SPAG5: variants seen among roughly 807,000 people sequenced by gnomAD.
SPAG5 encodes sperm associated antigen 5.
In SPAG5, 99 loss-of-function variants were observed where a neutral mutation model predicts 145.4. The ratio of observed to expected loss-of-function variants is 0.68; its 90% CI spans 0.58 to 0.80. The LOEUF (loss-of-function observed/expected upper bound fraction) is 0.80, where lower values mean the gene tolerates loss of function less well. SPAG5 is among the 30% of genes least tolerant of loss of function. The pLI, the probability that SPAG5 is intolerant of heterozygous loss-of-function variation, is 0.00. For synonymous variants in SPAG5, 477 were observed against 525.4 expected (o/e 0.91, Z 1.26); for missense variants, 1,192 against 1,416.0 (o/e 0.84, Z 2.54).
At chr17:28,584,620 A>C in intron 11 of SPAG5, 32 bp downstream of exon 11, 1 of 1,600,222 alleles carries the variant, frequency 6.2e-7, no homozygotes, top group Non-Finnish European at 8.6e-7. Context: ...AAATGCTTAC[A>C]TGCATGCATA....
Position 28,577,653 on chromosome 17 carries a change from G to T in SPAG5, c.*46C>A, listed in dbSNP as rs758229342. 6.8e-6 allele frequency: 9 copies of T among 1,315,688 alleles called. No homozygotes were observed. The highest frequency in any genetic ancestry group is 9.9e-6 in the Non-Finnish European group (9 of 907,744). 81.5% of individuals were successfully genotyped at this position (1,315,688 alleles called of 1,614,324 possible). ...TTGGTCTTGGTATTGGGGTAAGGGG[G>T]TATTGCAGGTAAAAAGAGGTGAAGC... On this transcript the variant is annotated 3_prime_UTR_variant, in exon 24 of 24. Coordinates refer to ENST00000321765, the MANE Select transcript of SPAG5 (RefSeq NM_006461.4).
intron 4 of SPAG5, 114 bp from the exon 5 acceptor site, chr17:28,586,613 C>T (rs2070587151): frequency 2.6e-6 from 2 of 770,744 alleles, no homozygotes; most frequent in East Asian, 2.7e-5. Flanking sequence ...CTCACTGCAA[C>T]CTCCACCTCC....
chr17:28,590,155 A>C (rs2151522088), intron 4 of SPAG5, among the ~76,000 whole-genome samples: 1 of 152,316 alleles, frequency 6.6e-6, no homozygotes, highest in East Asian at 1.9e-4. Flanking sequence ...AAATCGATGG[A>C]GATTCCTTCC....
intron 22 of SPAG5, 38 bp from the exon 23 acceptor site, chr17:28,578,128 A>G (rs2070519328): frequency 1.2e-6 from 2 of 1,611,282 alleles, no homozygotes; most frequent in African/African-American, 2.7e-5. Context: ...CTATGCATAA[A>G]AGAGCAAACT....
At chr17:28,586,889 C>G (rs983329033) in intron 4 of SPAG5, among the ~76,000 whole-genome samples, 1 of 152,120 alleles carries the variant, frequency 6.6e-6, no homozygotes, top group Non-Finnish European at 1.5e-5. Flanking sequence ...TCCTCCCACC[C>G]AGTGAGTTAT....
rs550817295 is a variant in SPAG5, at chr17:28,593,064, T to A, written c.180A>T (p.Glu60Asp). ...CCACTGGAGATGAGTTGTTGCTGCCTTCCTGCCAAAGGAAACAAAAGTAGT... is the reference window on the plus strand; with the variant it reads ...CCACTGGAGATGAGTTGTTGCTGCCATCCTGCCAAAGGAAACAAAAGTAGT... The part of the protein sequence containing the change: ...TPSLCKLGLQ[E>D]GSNNSSPVDF... The change falls in exon 3 of 24, where the codon GAA becomes GAT. Residue 60 changes from glutamate to aspartate, a missense_variant and splice_region_variant. This residue lies in a region of SPAG5 where 329 missense variants were observed against 354.0 expected (regional missense o/e 0.93). Transcript: ENST00000321765. The A allele has an allele frequency of 1.2e-5, 19 of 1,612,112 alleles. No homozygotes were observed. The highest frequency in any genetic ancestry group is 1.5e-5 in the Non-Finnish European group (18 of 1,178,534).
chr17:28,597,671 C>T lies in SPAG5; in HGVS notation c.177+839G>A, dbSNP rs190829369. On this transcript the variant is annotated intron_variant, in intron 2 of 23. Coordinates refer to ENST00000321765, the MANE Select transcript of SPAG5 (RefSeq NM_006461.4). The stretch of plus-strand genomic sequence containing the variant: ...TCCTCATACCTATTTTATTGATATC[C>T]CATCTCCTTCCAAAAATAATTCATA... Among the ~76,000 whole-genome samples, 18 of 152,210 alleles carry T rather than the reference C, an allele frequency of 1.2e-4. No individual in the cohort carries two copies. The East Asian group carries it at 3.5e-3, about 29-fold the overall frequency.
intron 2 of SPAG5, among the ~76,000 whole-genome samples, chr17:28,593,582 G>A (rs1412338901): frequency 1.3e-5 from 2 of 152,140 alleles, no homozygotes; most frequent in Admixed American, 1.3e-4. Context: ...GCCGGGCATG[G>A]TGGTGCTGAT....
Position 28,585,919 on chromosome 17 carries a change from G to T in SPAG5, c.1685C>A (p.Ala562Glu). 2 of 1,614,156 alleles carry T rather than the reference G, an allele frequency of 1.2e-6. No individual in the cohort carries two copies. Among genetic ancestry groups the T allele is most frequent in the Non-Finnish European group, 1.7e-6 (2 of 1,180,030 alleles). The change falls in exon 7 of 24, where the codon GCA (alanine) becomes GAA (glutamate). Residue 562 changes from alanine to glutamate, a missense_variant. Coordinates refer to ENST00000321765, the MANE Select transcript of SPAG5 (RefSeq NM_006461.4). ...TCTGTGCCTTGCCTCCTCCCTTTCTGCTTTGAGGCTCTGGAGCTTTGCCCT... is the reference window on the plus strand; with the variant it reads ...TCTGTGCCTTGCCTCCTCCCTTTCTTCTTTGAGGCTCTGGAGCTTTGCCCT... ...KLRAKLQSLKAEREEARHREE... is the reference protein window; with the variant it reads ...KLRAKLQSLKEEREEARHREE...
intron 4 of SPAG5, among the ~76,000 whole-genome samples, chr17:28,587,807 TG>T (rs1292265719): frequency 6.6e-6 from 1 of 152,224 alleles, no homozygotes; most frequent in Non-Finnish European, 1.5e-5. Flanking sequence ...TTTTATTCTT[TG>T]CTATTGAGTC....
In SPAG5 at chr17:28,593,088, G is replaced by A; in HGVS notation, c.178-22C>T. ...CTTCCTGCCAAAGGAAACAAAAGTA[G>A]TTGTCTAAGGCAGTCAATTCAGTTC... On this transcript the variant is annotated intron_variant, in intron 2 of 23. Coordinates refer to ENST00000321765, the MANE Select transcript of SPAG5 (RefSeq NM_006461.4). The A allele has an allele frequency of 3.1e-6, 5 of 1,608,204 alleles. No individual in the cohort carries two copies. In the South Asian group the frequency reaches 4.4e-5, roughly 14 times the overall value.
At chr17:28,595,504 T>C (rs1217684108) in intron 2 of SPAG5, among the ~76,000 whole-genome samples, 1 of 152,178 alleles carries the variant, frequency 6.6e-6, no homozygotes, top group African/African-American at 2.4e-5. Flanking sequence ...TCCCAGCACT[T>C]TGGGAGGCCA....
chr17:28,579,353 C>T lies in SPAG5; in HGVS notation c.3005+12G>A, dbSNP rs142597915. The T allele has an allele frequency of 7.3e-5, 118 of 1,613,938 alleles. 2 individuals are homozygous for T. In the East Asian group the frequency reaches 2.5e-3, roughly 34 times the overall value. On this transcript the variant is annotated intron_variant, in intron 18 of 23. Transcript: ENST00000321765. The stretch of plus-strand genomic sequence containing the variant: ...CACTGTCCCTCTGTCACCAAAACTG[C>T]ATCCCACTCACATTTTTCGCTGCAG...
At chr17:28,598,151 C>T (rs1005420882) in intron 2 of SPAG5, among the ~76,000 whole-genome samples, 1 of 152,140 alleles carries the variant, frequency 6.6e-6, no homozygotes, top group Admixed American at 6.5e-5. Flanking sequence ...TTCTAACTAC[C>T]TCCTAGAGTA....
Position 28,592,255 on chromosome 17 carries a change from C to A in SPAG5, c.989G>T (p.Arg330Met), listed in dbSNP as rs547854092. 1.2e-6 allele frequency: 2 copies of A among 1,614,188 alleles called. No homozygotes were observed. The highest frequency in any genetic ancestry group is 3.3e-5 in the Admixed American group (2 of 60,016). ...APGPAVEDVGRILGSDTESWM... is the reference protein window; with the variant it reads ...APGPAVEDVGMILGSDTESWM... The stretch of plus-strand genomic sequence containing the variant: ...AGACTCTGTATCAGAGCCAAGAATC[C>A]TACCAACATCTTCTACTGCTGGGCC... Residue 330 changes from arginine to methionine, a missense_variant, in exon 3 of 24, where the codon AGG (arginine) becomes ATG (methionine). Transcript: ENST00000321765.
chr17:28,598,063 A>G lies in SPAG5; in HGVS notation c.177+447T>C, dbSNP rs187567739. ...AACAAAAGTACAAATCAGTGAGGGC[A>G]ATTCTGCAAGGAGCTAGTTTAAACT... is the stretch of plus-strand genomic sequence containing the variant. On this transcript the variant is annotated intron_variant, in intron 2 of 23. Transcript: ENST00000321765. 6.6e-4 allele frequency among the ~76,000 whole-genome samples: 100 copies of G among 152,352 alleles called. 1 individual carries two copies. Among genetic ancestry groups the G allele is most frequent in the Non-Finnish European group, 5.1e-4 (35 of 68,036 alleles).
Position 28,596,066 on chromosome 17 carries a change from C to T in SPAG5, c.177+2444G>A, listed in dbSNP as rs141773320. Reference sequence around the variant, plus strand: ...CGTCTCAAAAAAAAAATCTGCCAGGCGTGGTGGCACACACCGTAATCCCAG... The same window carrying T: ...CGTCTCAAAAAAAAAATCTGCCAGGTGTGGTGGCACACACCGTAATCCCAG... On this transcript the variant is annotated intron_variant, in intron 2 of 23. Transcript: ENST00000321765. Among the ~76,000 whole-genome samples, 7 of 150,574 alleles carry T rather than the reference C, an allele frequency of 4.6e-5. No homozygotes were observed. The East Asian group carries it at 1.2e-3, about 26-fold the overall frequency.
chr17:28,592,570 G>A lies in SPAG5; in HGVS notation c.674C>T (p.Thr225Ile). ...TACTAAGTCCTCACGCACAGCCTCA[G>A]TTCTACTGCTCAGGCTTTCCTTGGA... ...HCSKESLSSR[T>I]EAVREDLVPS... The change falls in exon 3 of 24, where the codon ACT becomes ATT. Residue 225 changes from threonine (T) to isoleucine (I), a missense_variant. Thr to Ile is a moderately conservative substitution (Grantham distance 89, BLOSUM62 -1). Around this residue, in one of 5 missense-constraint regions of SPAG5, gnomAD observed 329 missense variants for 354.0 expected, o/e 0.93. Transcript: ENST00000321765. 6.2e-7 allele frequency: 1 copy of A among 1,614,212 alleles called. No individual in the cohort carries two copies. The highest frequency in any genetic ancestry group is 8.5e-7 in the Non-Finnish European group (1 of 1,180,040).
chr17:28,579,300 G>T, intron 18 of SPAG5, 48 bp from the exon 19 acceptor site: 1 of 1,613,594 alleles, frequency 6.2e-7, no homozygotes, highest in Non-Finnish European at 8.5e-7. Context: ...TCAGGGATCA[G>T]TTGGACCCTT....
Sources: allele counts gnomAD v4.1 joint callset (sites outside exome capture counted in the v4.1 genomes callset), GRCh38; gene constraint gnomAD v4.1.1; regional missense constraint gnomAD v4.1.1; transcripts MANE v1.5; gene names NCBI Gene and HGNC (gene_info 2026-07-23, HGNC 2026-07-21).